The following PLPP5 variants were observed in gnomAD, a reference collection of about 807,000 sequenced individuals.
PLPP5 encodes the protein diacylglycerol pyrophosphate like 1.
PLPP5 carries 29 observed loss-of-function variants against 23.6 expected under a neutral mutation model. That is an observed-to-expected ratio of 1.23 (90% CI 0.92 to 1.68). The LOEUF (loss-of-function observed/expected upper bound fraction) is 1.68. Ranked by LOEUF, PLPP5 falls within the 40% of genes most tolerant of loss-of-function variation. The probability of loss-of-function intolerance (pLI) is 0.00; values close to 1 mark genes in which losing one functional copy is unlikely to be tolerated. For missense variants in PLPP5, 315 were observed against 332.1 expected (o/e 0.95, Z 0.40); for synonymous variants, 143 against 131.3 (o/e 1.09, Z -0.61).
At chr8:38,265,600 G>C (rs1807468639) in intron 6 of PLPP5, 1 of 152,080 alleles carries the variant, frequency 6.6e-6, no homozygotes, top group South Asian at 2.1e-4. Flanking sequence ...CTCAATTTTT[G>C]TATTTTTAGT....
chr8:38,267,269 G>C lies in PLPP5; in HGVS notation c.461C>G (p.Ser154Cys), dbSNP rs759611213. 53 of 1,613,828 alleles carry C rather than the reference G, an allele frequency of 3.3e-5. No individual in the cohort carries two copies. The African/African-American group carries it at 6.8e-4, about 21-fold the overall frequency. Residue 154 changes from serine to cysteine, a missense_variant and splice_region_variant, in exon 5 of 7, where the codon TCC becomes TGC. By Grantham distance (112) the Ser-to-Cys change is moderately radical. Coordinates refer to ENST00000424479, the MANE Select transcript of PLPP5 (RefSeq NM_001102559.2). ...TAGAGTCCATATGATATTCATACAG[G>C]AAGAATGTCCACTGGGGAAGCTCTT... ...GRKSFPSGHS[S>C]FAFAGLAFAS...
chr8:38,269,050 G>A, intron 1 of PLPP5, 60 bp from the exon 2 acceptor site: 1 of 1,525,392 alleles, frequency 6.6e-7, no homozygotes, highest in African/African-American at 1.4e-5. Context: ...CTTCCCCACT[G>A]CCCGACCCGC....
At chr8:38,269,094 GC>G in intron 1 of PLPP5, 31 bp downstream of exon 1, 1 of 1,527,118 alleles carries the variant, frequency 6.5e-7, no homozygotes, top group Non-Finnish European at 8.8e-7. Flanking sequence ...GGGAAGCGGG[GC>G]CGCCCGGGCC....
In PLPP5 at chr8:38,263,954, A is replaced by T; in HGVS notation, c.*490T>A. The T allele has an allele frequency of 7.1e-6, 7 of 985,638 alleles. No homozygotes were observed. The highest frequency in any genetic ancestry group is 8.4e-6 in the Non-Finnish European group (7 of 830,084). The allele number at this position is 985,638 out of a possible 1,614,324, so 61.1% of individuals were successfully genotyped here. ...ATCCTTTTACTAGAACATGTGGCAT[A>T]CAGTAGTGGAAAAGAACCGTAACTC... is the stretch of plus-strand genomic sequence containing the variant. On this transcript the variant is annotated 3_prime_UTR_variant, in exon 7 of 7. Coordinates refer to ENST00000424479, the MANE Select transcript of PLPP5 (RefSeq NM_001102559.2).
Position 38,267,632 on chromosome 8 carries a change from T to C in PLPP5, c.339-241A>G. The C allele has an allele frequency of 1.5e-5, 9 of 618,580 alleles. No homozygotes were observed. The South Asian group carries it at 1.7e-4, about 11-fold the overall frequency. The allele number at this position is 618,580 out of a possible 1,614,324, so 38.3% of individuals were successfully genotyped here. On this transcript the variant is annotated intron_variant, in intron 4 of 6. Coordinates refer to ENST00000424479, the MANE Select transcript of PLPP5 (RefSeq NM_001102559.2). Reference sequence around the variant, plus strand: ...TTTTAGGGCAAACAGCAAATGACACTGCAGCTTCAGGAGGTGCTCAAGAGG... The same window carrying C: ...TTTTAGGGCAAACAGCAAATGACACCGCAGCTTCAGGAGGTGCTCAAGAGG...
At chr8:38,267,196 C>G (rs371615833) in intron 5 of PLPP5, 71 bp downstream of exon 5, 15 of 1,612,830 alleles carry the variant, frequency 9.3e-6, no homozygotes, top group Admixed American at 3.3e-5. Context: ...TTTCCCATCC[C>G]TACTAGCTTT....
chr8:38,265,216 A>G (rs1758457747), intron 6 of PLPP5: 1 of 309,516 alleles, frequency 3.2e-6, no homozygotes, highest in African/African-American at 2.3e-5. Flanking sequence ...CAGTGAGCCG[A>G]GATGGTGCCA....
chr8:38,265,865 A>T (rs1163169035), intron 6 of PLPP5, among the ~76,000 whole-genome samples: 1 of 152,260 alleles, frequency 6.6e-6, no homozygotes, highest in African/African-American at 2.4e-5. Flanking sequence ...TTAAGAGAGT[A>T]AATTGAACTT....
At chr8:38,267,494 G>T in intron 4 of PLPP5, 103 bp from the exon 5 acceptor site, 1 of 1,362,606 alleles carries the variant, frequency 7.3e-7, no homozygotes. Context: ...GTCAAATAGT[G>T]CCCCAGGCAA....
In PLPP5 at chr8:38,263,230, A is replaced by G. The variant is rs1807173702; in HGVS notation, c.*1214T>C. 1.1e-5 allele frequency: 2 copies of G among 189,552 alleles called. No individual in the cohort carries two copies. Among genetic ancestry groups the G allele is most frequent in the Non-Finnish European group, 2.0e-5 (2 of 102,114 alleles). The allele number at this position is 189,552 out of a possible 1,614,324, so 11.7% of individuals were successfully genotyped here. ...TCATATTTAAAGTATAATCACAATAAAGAGAAAGGGAGCTGTAGGTCCTAT... is the reference window on the plus strand; with the variant it reads ...TCATATTTAAAGTATAATCACAATAGAGAGAAAGGGAGCTGTAGGTCCTAT... On this transcript the variant is annotated 3_prime_UTR_variant, in exon 7 of 7. Coordinates refer to ENST00000424479, the MANE Select transcript of PLPP5 (RefSeq NM_001102559.2).
chr8:38,265,296 CTT>C (rs1487873962), intron 6 of PLPP5, among the ~76,000 whole-genome samples: 1 of 149,356 alleles, frequency 6.7e-6, no homozygotes, highest in Non-Finnish European at 1.5e-5. Flanking sequence ...AGTTGCTTCT[CTT>C]TGCAAAAAAC....
chr8:38,267,394 G>T lies in PLPP5; in HGVS notation c.339-3C>A, dbSNP rs754696392. ...GGTAGAAGAAATCTGGGCGTGGCCTGGAAGAAAGCAGCATGGTTGGAACGT... is the reference window on the plus strand; with the variant it reads ...GGTAGAAGAAATCTGGGCGTGGCCTTGAAGAAAGCAGCATGGTTGGAACGT... On this transcript the variant is annotated splice_polypyrimidine_tract_variant and splice_region_variant and intron_variant, in intron 4 of 6. Coordinates refer to ENST00000424479, the MANE Select transcript of PLPP5 (RefSeq NM_001102559.2). The T allele has an allele frequency of 1.9e-6, 3 of 1,612,236 alleles. No homozygotes were observed. In the Admixed American group the frequency reaches 5.0e-5, roughly 27 times the overall value.
chr8:38,268,353 G>A lies in PLPP5; in HGVS notation c.274+18C>T, dbSNP rs370633228. ...GTTCCCAGCACGAAGAAACCGGCCCGAAAGGGCTAGCGCTCACCCAGGCAG... is the reference window on the plus strand; with the variant it reads ...GTTCCCAGCACGAAGAAACCGGCCCAAAAGGGCTAGCGCTCACCCAGGCAG... On this transcript the variant is annotated intron_variant, in intron 3 of 6. Coordinates refer to ENST00000424479, the MANE Select transcript of PLPP5 (RefSeq NM_001102559.2). 3.2e-6 allele frequency: 5 copies of A among 1,554,960 alleles called. No homozygotes were observed. The highest frequency in any genetic ancestry group is 4.4e-6 in the Non-Finnish European group (5 of 1,148,654).
rs1356118331 is a variant in PLPP5, at chr8:38,263,765, T to G, written c.*679A>C. ...AGCTATATGAAATGGAAATTAAGTT[T>G]TGATAATGAACTCTAGCTTCTGAGA... is the stretch of plus-strand genomic sequence containing the variant. On this transcript the variant is annotated 3_prime_UTR_variant, in exon 7 of 7. Coordinates refer to ENST00000424479, the MANE Select transcript of PLPP5 (RefSeq NM_001102559.2). The G allele has an allele frequency of 6.1e-6, 6 of 985,422 alleles. No homozygotes were observed. Among genetic ancestry groups the G allele is most frequent in the East Asian group, 1.1e-4 (1 of 8,818 alleles). 61.0% of individuals were successfully genotyped at this position (985,422 alleles called of 1,614,324 possible).
rs968018415 is a variant in PLPP5 at position 38,263,817 on chromosome 8, T to C, written c.*627A>G. 1 of 984,956 alleles carries C rather than the reference T, an allele frequency of 1.0e-6. No homozygotes were observed. Among genetic ancestry groups the C allele is most frequent in the African/African-American group, 1.7e-5 (1 of 57,224 alleles). 61.0% of individuals were successfully genotyped at this position (984,956 alleles called of 1,614,324 possible). A position where few individuals can be genotyped will look rare whatever the true frequency, so the allele number is the denominator to read the frequency against. Reference sequence around the variant, plus strand: ...AAGGTGGGGCTATGTAAAGGCTTCTTTGTGACAAGATCCTTCTAAGAATGG... The same window carrying C: ...AAGGTGGGGCTATGTAAAGGCTTCTCTGTGACAAGATCCTTCTAAGAATGG... On this transcript the variant is annotated 3_prime_UTR_variant, in exon 7 of 7. Transcript: ENST00000424479.
intron 6 of PLPP5, chr8:38,264,923 C>A: frequency 1.2e-6 from 2 of 1,612,702 alleles, no homozygotes; most frequent in Non-Finnish European, 1.7e-6. Flanking sequence ...TGCTATTCAT[C>A]TGCCCATTTT....
chr8:38,267,790 TA>T, intron 4 of PLPP5, 106 bp downstream of exon 4: 1 of 1,152,806 alleles, frequency 8.7e-7, no homozygotes. Flanking sequence ...AGAGTGAAGA[TA>T]AAGGAGAAAA....
chr8:38,268,108 C>CTCT, intron 3 of PLPP5, 148 bp from the exon 4 acceptor site: 2 of 1,467,046 alleles, frequency 1.4e-6, no homozygotes, highest in Non-Finnish European at 1.8e-6. Context: ...TCAGTGATCA[C>CTCT]TCTTTTGTAG....
intron 6 of PLPP5, 53 bp downstream of exon 6, chr8:38,266,088 G>T: frequency 6.4e-7 from 1 of 1,557,158 alleles, no homozygotes; most frequent in Non-Finnish European, 8.8e-7. Flanking sequence ...CTAGGTGCTA[G>T]GAATAAAATG....
Sources: gnomAD v4.1 joint callset for allele counts (sites outside exome capture counted in the v4.1 genomes callset) on GRCh38, gnomAD v4.1.1 for gene constraint, MANE v1.5 for transcripts, NCBI Gene and HGNC (gene_info 2026-07-23, HGNC 2026-07-21) for gene names.